Variants in DAB1 observed in about 807,000 individuals in gnomAD.
DAB1 encodes the protein DAB adaptor protein 1, also known as disabled homolog 1.
Under a neutral mutation model 64.6 loss-of-function variants are expected in DAB1, and 15 were observed. That is an observed-to-expected ratio of 0.23 (90% CI 0.16 to 0.36). The LOEUF is 0.36. Among genes scored for constraint, DAB1 ranks in the 10% least tolerant of loss-of-function variants. DAB1 has a pLI of 1.00. For synonymous variants in DAB1, 235 were observed against 251.9 expected, an observed-to-expected ratio of 0.93 and a Z score of 0.64; for missense variants, 596 against 706.7, an observed-to-expected ratio of 0.84 and a Z score of 1.78.
At chr1:58,077,331 C>T (rs1296478312) in intron 5 of DAB1, among the ~76,000 whole-genome samples, 1 of 152,092 alleles carries the variant, frequency 6.6e-6, no homozygotes, top group Non-Finnish European at 1.5e-5. Flanking sequence ...CCAGCTTTCC[C>T]CTGCATGGCG....
At chr1:58,051,367 A>T (rs1557627201) in intron 5 of DAB1, among the ~76,000 whole-genome samples, 1 of 152,150 alleles carries the variant, frequency 6.6e-6, no homozygotes, top group Non-Finnish European at 1.5e-5. Flanking sequence ...GTCCCTTCAA[A>T]GGACATGAGC....
At chr1:57,132,281 A>C (rs567029477) in intron 4 of DAB1, among the ~76,000 whole-genome samples, 5 of 152,316 alleles carry the variant, frequency 3.3e-5, no homozygotes, top group African/African-American at 1.2e-4. Context: ...AAATGTGCAC[A>C]AAATAACTAA....
chr1:57,664,738 G>C (rs1646426474), intron 6 of DAB1, among the ~76,000 whole-genome samples: 3 of 151,920 alleles, frequency 2.0e-5, no homozygotes, highest in African/African-American at 7.2e-5. Context: ...AAATAAATTT[G>C]TATCTATAAT....
intron 5 of DAB1, among the ~76,000 whole-genome samples, chr1:57,982,104 A>T (rs1797112): frequency 0.41 from 62,770 of 152,030 alleles, 13,778 homozygotes; most frequent in East Asian, 0.78. Flanking sequence ...TTTTTCAGGT[A>T]ATAAGGTAGG....
intron 4 of DAB1, among the ~76,000 whole-genome samples, chr1:57,107,871 C>T (rs1655308693): frequency 6.6e-6 from 1 of 152,126 alleles, no homozygotes. Flanking sequence ...CTTTGTGACC[C>T]TGGACAAGGC....
chr1:57,221,350 A>T (rs1290299110), intron 2 of DAB1, among the ~76,000 whole-genome samples: 1 of 152,082 alleles, frequency 6.6e-6, no homozygotes, highest in African/African-American at 2.4e-5. Flanking sequence ...TACATATGTA[A>T]CAAACTTGCA....
chr1:58,118,467 G>C lies in DAB1; in HGVS notation n.387+32044C>G, dbSNP rs1195076043. ...TTCATGATGCCAGGCACTATCCTAA[G>C]GCATATATATATATATATATATATA... On this transcript the variant is annotated intron_variant and non_coding_transcript_variant, in intron 5 of 20. Transcript: ENST00000485760. Among the ~76,000 whole-genome samples, 82 of 11,754 alleles carry C rather than the reference G, an allele frequency of 7.0e-3. 2 individuals are homozygous for C. The highest frequency in any genetic ancestry group is 0.037 in the African/African-American group (79 of 2,148). The allele number at this position is 11,754 out of a possible 152,430, so 7.7% of individuals were successfully genotyped here.
chr1:58,350,973 G>GT (rs1644050114), intron 3 of DAB1, among the ~76,000 whole-genome samples: 1 of 152,136 alleles, frequency 6.6e-6, no homozygotes, highest in Non-Finnish European at 1.5e-5. Context: ...ATTTAAAGTA[G>GT]TTTTTTCTAA....
intron 5 of DAB1, among the ~76,000 whole-genome samples, chr1:57,931,663 T>C (rs1333598590): frequency 2.6e-5 from 4 of 152,342 alleles, no homozygotes; most frequent in African/African-American, 9.6e-5. Flanking sequence ...TCTGTTGTTA[T>C]CCTTTTAATG....
At chr1:57,796,157 G>C (rs1307318668) in intron 6 of DAB1, among the ~76,000 whole-genome samples, 1 of 152,054 alleles carries the variant, frequency 6.6e-6, no homozygotes, top group East Asian at 1.9e-4. Context: ...GAAACTAAAT[G>C]TTCAATTCAC....
intron 1 of DAB1, among the ~76,000 whole-genome samples, chr1:57,344,596 A>G (rs1375989109): frequency 6.6e-6 from 1 of 151,968 alleles, no homozygotes; most frequent in Non-Finnish European, 1.5e-5. Flanking sequence ...TGATGAATCG[A>G]GGCGAAGGTT....
intron 1 of DAB1, among the ~76,000 whole-genome samples, chr1:57,310,455 A>T (rs929172705): frequency 6.6e-6 from 1 of 152,186 alleles, no homozygotes. Context: ...GATGAGATCA[A>T]CAAAGTGGAT....
At chr1:57,413,743 C>CA (rs58388088) in intron 1 of DAB1, among the ~76,000 whole-genome samples, 5,846 of 63,286 alleles carry the variant, frequency 0.092, 264 homozygotes, top group Non-Finnish European at 0.11. Flanking sequence ...GACTCTGTCT[C>CA]AAAAAAAAAA....
intron 4 of DAB1, among the ~76,000 whole-genome samples, chr1:57,076,260 G>A (rs1651980643): frequency 1.3e-5 from 2 of 152,162 alleles, no homozygotes; most frequent in South Asian, 4.2e-4. Flanking sequence ...CGGCCGGAGT[G>A]GGAGGCAGAG....
At chr1:58,141,283 G>T (rs2100715171) in intron 5 of DAB1, among the ~76,000 whole-genome samples, 1 of 152,242 alleles carries the variant, frequency 6.6e-6, no homozygotes, top group Admixed American at 6.5e-5. Flanking sequence ...AAAGCAAAGA[G>T]GTATGAAGTC....
intron 5 of DAB1, among the ~76,000 whole-genome samples, chr1:57,931,628 G>A (rs1644954241): frequency 6.6e-6 from 1 of 152,134 alleles, no homozygotes; most frequent in South Asian, 2.1e-4. Context: ...TATCAAATTT[G>A]TAGGCCCAGA....
At chr1:58,340,212 T>C (rs1297579842) in intron 4 of DAB1, among the ~76,000 whole-genome samples, 1 of 152,222 alleles carries the variant, frequency 6.6e-6, no homozygotes, top group Admixed American at 6.6e-5. Context: ...ACTCCTGCTA[T>C]AGCGGTTTTC....
At chr1:57,357,120 C>T (rs1246782416) in intron 1 of DAB1, among the ~76,000 whole-genome samples, 3 of 152,076 alleles carry the variant, frequency 2.0e-5, no homozygotes, top group Admixed American at 2.0e-4. Flanking sequence ...TACACTCTAG[C>T]ACATAATAGG....
At chr1:58,384,266 C>T (rs888391989) in intron 3 of DAB1, among the ~76,000 whole-genome samples, 3 of 152,016 alleles carry the variant, frequency 2.0e-5, no homozygotes, top group Middle Eastern at 3.2e-3. Context: ...AAAAAATATG[C>T]TAAGTAAAAT....
Sources: allele counts gnomAD v4.1 joint callset (sites outside exome capture counted in the v4.1 genomes callset), GRCh38; gene constraint gnomAD v4.1.1; transcripts MANE v1.5; gene names NCBI Gene and HGNC (gene_info 2026-07-23, HGNC 2026-07-21).